KIAA1217: variants seen among roughly 807,000 people sequenced by gnomAD.
The protein encoded by KIAA1217 is sickle tail protein homolog.
KIAA1217 carries 88 observed loss-of-function variants against 163.9 expected under a neutral mutation model. That is an observed-to-expected ratio of 0.54 (90% CI 0.45 to 0.64). The LOEUF (loss-of-function observed/expected upper bound fraction) is 0.64, where lower values mean the gene tolerates loss of function less well. KIAA1217 is among the 30% of genes least tolerant of loss of function. The probability of loss-of-function intolerance (pLI) is 0.00; values close to 1 mark genes in which losing one functional copy is unlikely to be tolerated. For missense variants in KIAA1217, 2,372 were observed against 2,475.0 expected (o/e 0.96, Z 0.88); for synonymous variants, 903 against 923.1 (o/e 0.98, Z 0.39).
chr10:24,513,341 G>A lies in KIAA1217; in HGVS notation c.2084G>A (p.Arg695Lys), dbSNP rs149120101. ...GGCAAAGTGATGGAAACAATGAAGA[G>A]ACTGGAGGATCCCGTGCAGCGACAG... ...ISGKVMETMK[R>K]LEDPVQRQRV... Residue 695 changes from arginine to lysine, a missense_variant, in exon 10 of 21, where the codon AGA becomes AAA. By Grantham distance (26) the Arg-to-Lys change is conservative. Transcript: ENST00000376454. 1.2e-6 allele frequency: 2 copies of A among 1,614,202 alleles called. No individual in the cohort carries two copies. The highest frequency in any genetic ancestry group is 1.7e-6 in the Non-Finnish European group (2 of 1,180,030).
At position 24,546,402 on chromosome 10, in the gene KIAA1217, G is replaced by A; in HGVS notation, c.*78G>A. The A allele has an allele frequency of 7.3e-7, 1 of 1,360,572 alleles. No homozygotes were observed. Among genetic ancestry groups the A allele is most frequent in the Non-Finnish European group, 1.0e-6 (1 of 999,842 alleles). 84.3% of individuals were successfully genotyped at this position (1,360,572 alleles called of 1,614,324 possible). ...GTCTACAACAACTGTTTTCACAAGA[G>A]AATGTAACATATTGCTGTATCGTTT... On this transcript the variant is annotated 3_prime_UTR_variant, in exon 21 of 21. Transcript: ENST00000376454.
intron 1 of KIAA1217, among the ~76,000 whole-genome samples, chr10:23,802,617 T>A (rs1034287): frequency 6.6e-6 from 1 of 152,052 alleles, no homozygotes; most frequent in Non-Finnish European, 1.5e-5. Context: ...ATCCTTTCTG[T>A]GCTTCTCAAT....
intron 1 of KIAA1217, among the ~76,000 whole-genome samples, chr10:23,804,396 A>T (rs1836637082): frequency 6.6e-6 from 1 of 152,194 alleles, no homozygotes; most frequent in Non-Finnish European, 1.5e-5. Context: ...CAGCTTTAGA[A>T]TGTTTTGAAT....
At chr10:23,926,073 T>C (rs896256842) in intron 1 of KIAA1217, among the ~76,000 whole-genome samples, 1 of 152,146 alleles carries the variant, frequency 6.6e-6, no homozygotes, top group Non-Finnish European at 1.5e-5. Flanking sequence ...AGACTGCACC[T>C]GGCAAAGCAG....
chr10:24,500,558 C>A (rs1256400908), intron 8 of KIAA1217, among the ~76,000 whole-genome samples: 3 of 151,972 alleles, frequency 2.0e-5, no homozygotes, highest in African/African-American at 7.3e-5. Flanking sequence ...TGTGCAGATG[C>A]CCTCTTTCTT....
intron 3 of KIAA1217, among the ~76,000 whole-genome samples, chr10:24,409,070 G>A (rs16924734): frequency 0.017 from 2,619 of 152,154 alleles, 63 homozygotes; most frequent in African/African-American, 0.06. Flanking sequence ...TTGGACTTTC[G>A]AAGCACTTTT....
At chr10:24,107,518 C>T (rs1589523404) in intron 2 of KIAA1217, among the ~76,000 whole-genome samples, 1 of 152,158 alleles carries the variant, frequency 6.6e-6, no homozygotes. Flanking sequence ...TTAAGCATTC[C>T]CTTTTCTCTG....
At chr10:23,893,720 C>T (rs1841528067) in intron 1 of KIAA1217, among the ~76,000 whole-genome samples, 1 of 152,028 alleles carries the variant, frequency 6.6e-6, no homozygotes, top group African/African-American at 2.4e-5. Flanking sequence ...CCTTGATGAA[C>T]ATTGATGCAA....
intron 1 of KIAA1217, among the ~76,000 whole-genome samples, chr10:23,860,733 TA>T (rs1839911845): frequency 6.6e-6 from 1 of 152,186 alleles, no homozygotes; most frequent in Non-Finnish European, 1.5e-5. Context: ...ATGGGCAACA[TA>T]AAAGTCATGA....
At position 24,049,850 on chromosome 10, in the gene KIAA1217, A is replaced by AT. The variant is rs750886552; in HGVS notation, c.-171+42479dup. On this transcript the variant is annotated intron_variant, in intron 2 of 18. Coordinates refer to the KIAA1217 transcript ENST00000376462. ...TAATGGGATTGCTGGGTCAAATGGT[A>AT]TTTCTGGTTCTAGATCCTTGAGGAA... is the stretch of plus-strand genomic sequence containing the variant. Among the ~76,000 whole-genome samples the AT allele has an allele frequency of 5.3e-5, 8 of 152,108 alleles. No individual in the cohort carries two copies. The East Asian group carries it at 1.4e-3, about 26-fold the overall frequency.
chr10:23,720,894 A>G (rs955610681), intron 1 of KIAA1217, among the ~76,000 whole-genome samples: 24 of 152,152 alleles, frequency 1.6e-4, no homozygotes, highest in Non-Finnish European at 3.2e-4. Context: ...CTTGTTCCCT[A>G]AGGGATGAAA....
intron 1 of KIAA1217, among the ~76,000 whole-genome samples, chr10:23,872,974 A>G (rs1481297415): frequency 6.6e-6 from 1 of 152,052 alleles, no homozygotes; most frequent in Non-Finnish European, 1.5e-5. Flanking sequence ...TAAGCAATCA[A>G]ACAGCCTGAA....
intron 1 of KIAA1217, among the ~76,000 whole-genome samples, chr10:23,835,028 C>T (rs1299972193): frequency 6.6e-6 from 1 of 151,928 alleles, no homozygotes; most frequent in Non-Finnish European, 1.5e-5. Flanking sequence ...GACGTCTAGG[C>T]TGGGAGTTGG....
At chr10:24,195,875 T>C (rs1401431556) in intron 2 of KIAA1217, among the ~76,000 whole-genome samples, 2 of 152,190 alleles carry the variant, frequency 1.3e-5, no homozygotes, top group Non-Finnish European at 2.9e-5. Context: ...ACGCCTGTAA[T>C]CCCAGCACTG....
chr10:23,901,132 A>G (rs1841937664), intron 1 of KIAA1217, among the ~76,000 whole-genome samples: 1 of 152,070 alleles, frequency 6.6e-6, no homozygotes, highest in South Asian at 2.1e-4. Flanking sequence ...CTTTAAATGG[A>G]TTAGTTTCCT....
chr10:24,305,321 G>T (rs1461543517), intron 2 of KIAA1217, among the ~76,000 whole-genome samples: 2 of 152,142 alleles, frequency 1.3e-5, no homozygotes, highest in Non-Finnish European at 2.9e-5. Context: ...TGGTGGACTG[G>T]TGTCCTAAAG....
At chr10:24,068,287 C>T (rs2061048735) in intron 2 of KIAA1217, among the ~76,000 whole-genome samples, 1 of 152,200 alleles carries the variant, frequency 6.6e-6, no homozygotes, top group African/African-American at 2.4e-5. Context: ...CTTAGCTCCA[C>T]ACCCTCAGTT....
At chr10:24,267,797 C>T (rs1454408771) in intron 2 of KIAA1217, among the ~76,000 whole-genome samples, 1 of 152,180 alleles carries the variant, frequency 6.6e-6, no homozygotes, top group Non-Finnish European at 1.5e-5. Flanking sequence ...AGGCATAGTA[C>T]TTGGTATGAG....
At chr10:24,416,133 T>C (rs1220923191) in intron 3 of KIAA1217, among the ~76,000 whole-genome samples, 4 of 152,198 alleles carry the variant, frequency 2.6e-5, no homozygotes, top group African/African-American at 9.6e-5. Context: ...CTTTCAGTAG[T>C]GAACCAGAGA....
Sources: gnomAD v4.1 joint callset for allele counts (sites outside exome capture counted in the v4.1 genomes callset) on GRCh38, gnomAD v4.1.1 for gene constraint, MANE v1.5 for transcripts, NCBI Gene and HGNC (gene_info 2026-07-23, HGNC 2026-07-21) for gene names.